The following ELF2 variants were observed in gnomAD, a reference collection of about 807,000 sequenced individuals.
ELF2 encodes E74 like ETS transcription factor 2.
In ELF2, 11 loss-of-function variants were observed where a neutral mutation model predicts 54.8. The observed-to-expected ratio is 0.20, with a 90% CI of 0.13 to 0.33. The LOEUF (loss-of-function observed/expected upper bound fraction) is 0.33, where lower values mean the gene tolerates loss of function less well. Among genes scored for constraint, ELF2 ranks in the 10% least tolerant of loss-of-function variants. ELF2 has a pLI of 1.00. For missense variants in ELF2, 513 were observed against 703.0 expected, an observed-to-expected ratio of 0.73 and a Z score of 3.06; for synonymous variants, 203 against 245.1, an observed-to-expected ratio of 0.83 and a Z score of 1.61.
intron 8 of ELF2, 47 bp downstream of exon 8, chr4:139,061,818 A>G (rs1188321295): frequency 1.9e-6 from 3 of 1,598,170 alleles, no homozygotes; most frequent in Admixed American, 3.5e-5. Flanking sequence ...AGACATATAA[A>G]GAAATACATA....
intron 1 of ELF2, among the ~76,000 whole-genome samples, chr4:139,146,131 A>C (rs1192471943): frequency 6.6e-6 from 1 of 152,222 alleles, no homozygotes; most frequent in Admixed American, 6.5e-5. Context: ...AAAATGCTGA[A>C]GATTCCTCCA....
intron 4 of ELF2, among the ~76,000 whole-genome samples, chr4:139,113,076 A>T (rs977809615): frequency 2.0e-5 from 3 of 152,220 alleles, no homozygotes; most frequent in African/African-American, 7.2e-5. Context: ...ATTCCTTTTC[A>T]TCTAGGCAAG....
At chr4:139,096,219 C>T (rs1358280920) in intron 4 of ELF2, among the ~76,000 whole-genome samples, 2 of 152,116 alleles carry the variant, frequency 1.3e-5, no homozygotes, top group East Asian at 3.8e-4. Flanking sequence ...ATACTAACTT[C>T]ATAAAATGAG....
chr4:139,112,002 T>C lies in ELF2; in HGVS notation c.238+13162A>G, dbSNP rs143496108. Among the ~76,000 whole-genome samples, 783 of 152,320 alleles carry C rather than the reference T, an allele frequency of 5.1e-3. 11 individuals carry two copies. The highest frequency in any genetic ancestry group is 0.018 in the African/African-American group (757 of 41,562). On this transcript the variant is annotated intron_variant, in intron 4 of 9. Coordinates refer to ENST00000686138, the MANE Select transcript of ELF2 (RefSeq NM_001331036.3). ...TTACTATTTTGAAAAAAACTAAATT[T>C]GTATTTTTCAAAACTGCTCAAAACT...
At chr4:139,085,161 G>A (rs1476485865) in intron 4 of ELF2, among the ~76,000 whole-genome samples, 2 of 152,144 alleles carry the variant, frequency 1.3e-5, no homozygotes, top group Non-Finnish European at 1.5e-5. Flanking sequence ...CAATGGACAA[G>A]GGAGATAAAT....
chr4:139,177,600 G>T (rs926212674), upstream of ELF2, among the ~76,000 whole-genome samples: 1 of 152,074 alleles, frequency 6.6e-6, no homozygotes, highest in African/African-American at 2.4e-5. Flanking sequence ...CCCCGATCTC[G>T]CTCTCCACTC....
intron 4 of ELF2, among the ~76,000 whole-genome samples, chr4:139,122,716 T>A (rs555399190): frequency 4.5e-4 from 69 of 152,034 alleles, no homozygotes; most frequent in African/African-American, 1.6e-3. Context: ...TTAGCCAGGA[T>A]GGTCTCGATC....
intron 4 of ELF2, chr4:139,100,785 G>A (rs1733802812): frequency 6.6e-6 from 1 of 152,202 alleles, no homozygotes. Flanking sequence ...AAAGATTTTA[G>A]GGAGGGAGTA....
intron 4 of ELF2, among the ~76,000 whole-genome samples, chr4:139,103,500 C>G (rs10213082): frequency 0.98 from 148,627 of 152,362 alleles, 72,519 homozygotes; most frequent in Middle Eastern, 1. Flanking sequence ...AAACCCAAAA[C>G]GAATGAGTTC....
At chr4:139,132,088 T>C (rs1472741295) in intron 3 of ELF2, among the ~76,000 whole-genome samples, 1 of 152,238 alleles carries the variant, frequency 6.6e-6, no homozygotes, top group African/African-American at 2.4e-5. Context: ...AGACAAAAGA[T>C]GGATTTTCAT....
chr4:139,120,613 A>T (rs1033551397), intron 4 of ELF2, among the ~76,000 whole-genome samples: 3 of 150,502 alleles, frequency 2.0e-5, no homozygotes, highest in South Asian at 2.1e-4. Context: ...TAATTTTTAA[A>T]TTTTTTTTTT....
intron 1 of ELF2, among the ~76,000 whole-genome samples, chr4:139,158,273 T>C (rs1740750639): frequency 6.6e-6 from 1 of 152,226 alleles, no homozygotes; most frequent in African/African-American, 2.4e-5. Context: ...CAGGCCATTT[T>C]CACTTCTTTT....
Position 139,086,616 on chromosome 4 carries a change from C to T in ELF2, c.239-13049G>A, listed in dbSNP as rs28709966. The stretch of plus-strand genomic sequence containing the variant: ...ATTATTATCCAGTACTTACTTTAAG[C>T]AAGTTTCTGTTATAGGTGCTTATTA... On this transcript the variant is annotated intron_variant, in intron 4 of 9. Coordinates refer to ENST00000686138, the MANE Select transcript of ELF2 (RefSeq NM_001331036.3). 2.7e-3 allele frequency among the ~76,000 whole-genome samples: 416 copies of T among 152,194 alleles called. 2 individuals are homozygous for T. The highest frequency in any genetic ancestry group is 9.6e-3 in the African/African-American group (398 of 41,538).
intron 4 of ELF2, among the ~76,000 whole-genome samples, chr4:139,123,939 A>G (rs1736646743): frequency 6.6e-6 from 1 of 152,226 alleles, no homozygotes; most frequent in Non-Finnish European, 1.5e-5. Flanking sequence ...TTCAGACTGG[A>G]AAATTCTCCA....
chr4:139,132,047 A>C (rs935912019), intron 3 of ELF2, among the ~76,000 whole-genome samples: 1 of 152,140 alleles, frequency 6.6e-6, no homozygotes, highest in African/African-American at 2.4e-5. Context: ...AATACACCTC[A>C]AATTATTAAC....
At chr4:139,074,418 GC>G (rs1355715467) in intron 4 of ELF2, among the ~76,000 whole-genome samples, 2 of 152,086 alleles carry the variant, frequency 1.3e-5, no homozygotes, top group African/African-American at 4.8e-5. Context: ...AGTAGAGTAA[GC>G]CCTCCGTGTC....
At chr4:139,089,443 A>AT (rs1732352942) in intron 4 of ELF2, among the ~76,000 whole-genome samples, 1 of 152,192 alleles carries the variant, frequency 6.6e-6, no homozygotes, top group South Asian at 2.1e-4. Context: ...TGAAGATAGC[A>AT]TTTTTGAATA....
intron 1 of ELF2, among the ~76,000 whole-genome samples, chr4:139,159,932 T>C (rs1740945208): frequency 6.6e-6 from 1 of 152,216 alleles, no homozygotes; most frequent in South Asian, 2.1e-4. Flanking sequence ...TTGACGCGTG[T>C]AGTCCCTTTG....
At chr4:139,170,922 T>A (rs1415122999) in intron 1 of ELF2, among the ~76,000 whole-genome samples, 1 of 151,838 alleles carries the variant, frequency 6.6e-6, no homozygotes, top group African/African-American at 2.4e-5. Context: ...ATTTTTGTAT[T>A]TTTAGTAGAG....
Sources: allele counts gnomAD v4.1 joint callset (sites outside exome capture counted in the v4.1 genomes callset), GRCh38; gene constraint gnomAD v4.1.1; transcripts MANE v1.5; gene names NCBI Gene and HGNC (gene_info 2026-07-23, HGNC 2026-07-21).